Variants in NRG1 observed in about 807,000 individuals in gnomAD.
NRG1 encodes the protein pro-neuregulin-1, membrane-bound isoform.
NRG1 carries 18 observed loss-of-function variants against 63.8 expected under a neutral mutation model. The observed-to-expected ratio is 0.28, with a 90% CI of 0.19 to 0.42. The LOEUF (loss-of-function observed/expected upper bound fraction) is 0.42. Ranked by LOEUF, NRG1 falls within the 10% of genes least tolerant of loss-of-function variation. The probability of loss-of-function intolerance (pLI) is 1.00; values close to 1 mark genes in which losing one functional copy is unlikely to be tolerated. For synonymous variants in NRG1, 302 were observed against 301.3 expected, an observed-to-expected ratio of 1.00 and a Z score of -0.02; for missense variants, 762 against 814.7, an observed-to-expected ratio of 0.94 and a Z score of 0.79.
chr8:32,120,978 G>A (rs557936163), intron 1 of NRG1, among the ~76,000 whole-genome samples: 3 of 152,026 alleles, frequency 2.0e-5, no homozygotes, highest in Non-Finnish European at 2.9e-5. Context: ...CACCCACTTC[G>A]CCTGCTGAGA....
At chr8:31,730,956 G>T (rs1813980489) in intron 1 of NRG1, among the ~76,000 whole-genome samples, 1 of 152,108 alleles carries the variant, frequency 6.6e-6, no homozygotes, top group Non-Finnish European at 1.5e-5. Context: ...ATAGAAAAAT[G>T]AGTAAAGAAC....
intron 1 of NRG1, among the ~76,000 whole-genome samples, chr8:32,111,447 A>C (rs1195061636): frequency 6.6e-6 from 1 of 152,028 alleles, no homozygotes; most frequent in Non-Finnish European, 1.5e-5. Context: ...GCCACTCATG[A>C]TGATGATTGT....
intron 1 of NRG1, among the ~76,000 whole-genome samples, chr8:32,226,484 C>G (rs1330292165): frequency 6.6e-6 from 1 of 151,986 alleles, no homozygotes; most frequent in Non-Finnish European, 1.5e-5. Flanking sequence ...GGGTACATTG[C>G]TTTAGGAAAC....
intron 1 of NRG1, among the ~76,000 whole-genome samples, chr8:31,761,089 T>G (rs1441846833): frequency 1.3e-5 from 2 of 152,216 alleles, no homozygotes; most frequent in Non-Finnish European, 2.9e-5. Context: ...TAAGAAAATG[T>G]GGCAGATATA....
At chr8:32,124,601 ACTGACAC>A (rs1200996581) in intron 1 of NRG1, among the ~76,000 whole-genome samples, 1 of 151,822 alleles carries the variant, frequency 6.6e-6, no homozygotes, top group East Asian at 1.9e-4. Flanking sequence ...CCAGGACTCC[ACTGACAC>A]CCCCTTGTGC....
At chr8:32,169,924 AG>A (rs1461522814) in intron 1 of NRG1, among the ~76,000 whole-genome samples, 4 of 152,226 alleles carry the variant, frequency 2.6e-5, no homozygotes. Context: ...ACTCAAGTAA[AG>A]TAGGTCCTTA....
chr8:32,732,976 T>C (rs1282274554), intron 6 of NRG1, among the ~76,000 whole-genome samples: 2 of 151,912 alleles, frequency 1.3e-5, no homozygotes, highest in African/African-American at 4.8e-5. Flanking sequence ...CCCAGCTGAT[T>C]TTTTGTATTT....
upstream of NRG1, among the ~76,000 whole-genome samples, chr8:32,547,724 C>G (rs1340134001): frequency 6.6e-6 from 1 of 152,086 alleles, no homozygotes; most frequent in Non-Finnish European, 1.5e-5. Flanking sequence ...TCTTAAACTC[C>G]CTTCCACCTA....
chr8:31,846,011 CAG>C (rs1372801096), intron 1 of NRG1, among the ~76,000 whole-genome samples: 1 of 152,044 alleles, frequency 6.6e-6, no homozygotes, highest in Non-Finnish European at 1.5e-5. Flanking sequence ...ATATCCATGG[CAG>C]AGAGTTCCAA....
intron 1 of NRG1, among the ~76,000 whole-genome samples, chr8:31,674,915 C>T (rs927823113): frequency 6.6e-6 from 1 of 152,206 alleles, no homozygotes; most frequent in Admixed American, 6.5e-5. Flanking sequence ...CCTTTCCTTA[C>T]TCCATTTTCA....
At chr8:31,709,753 G>T (rs1811551439) in intron 1 of NRG1, among the ~76,000 whole-genome samples, 1 of 151,798 alleles carries the variant, frequency 6.6e-6, no homozygotes, top group Admixed American at 6.5e-5. Flanking sequence ...GAATAAAATA[G>T]TCTCTTTTGG....
chr8:32,281,208 C>A (rs1352636743), intron 1 of NRG1, among the ~76,000 whole-genome samples: 1 of 20,150 alleles, frequency 5.0e-5, no homozygotes, highest in Non-Finnish European at 8.7e-5. Flanking sequence ...GACAGAATCT[C>A]GCTCTGTCGC....
intron 5 of NRG1, among the ~76,000 whole-genome samples, chr8:32,659,328 A>G (rs1802290477): frequency 6.6e-6 from 1 of 151,674 alleles, no homozygotes; most frequent in South Asian, 2.1e-4. Context: ...TGTTGTTTTT[A>G]TTAGAGACAG....
chr8:31,758,234 G>A (rs749747369), intron 1 of NRG1, among the ~76,000 whole-genome samples: 1 of 151,884 alleles, frequency 6.6e-6, no homozygotes, highest in Non-Finnish European at 1.5e-5. Context: ...AAAAGGCCCC[G>A]GTGTGTGATG....
chr8:32,390,153 A>T (rs1395434614), intron 1 of NRG1, among the ~76,000 whole-genome samples: 4 of 152,004 alleles, frequency 2.6e-5, no homozygotes, highest in Non-Finnish European at 5.9e-5. Context: ...TACATCTTAA[A>T]AGACGCCATG....
intron 1 of NRG1, among the ~76,000 whole-genome samples, chr8:31,711,301 G>T (rs1474106284): frequency 6.6e-6 from 1 of 152,094 alleles, no homozygotes; most frequent in Admixed American, 6.5e-5. Flanking sequence ...AATCATTTTT[G>T]TAAGTAAAAG....
intron 1 of NRG1, among the ~76,000 whole-genome samples, chr8:31,896,432 T>G (rs940004899): frequency 6.6e-6 from 1 of 152,208 alleles, no homozygotes; most frequent in South Asian, 2.1e-4. Flanking sequence ...CATCCATGTT[T>G]CTCACCTCTA....
intron 1 of NRG1, among the ~76,000 whole-genome samples, chr8:31,974,031 G>A (rs188950374): frequency 1.2e-4 from 19 of 152,216 alleles, no homozygotes; most frequent in East Asian, 7.7e-4. Context: ...TCAAACTGTC[G>A]CTCTTTTGTC....
intron 5 of NRG1, among the ~76,000 whole-genome samples, chr8:32,685,148 T>A (rs1809758190): frequency 6.6e-6 from 1 of 152,184 alleles, no homozygotes; most frequent in Non-Finnish European, 1.5e-5. Context: ...TTTTGAGGAT[T>A]ATTCTACCTC....
Sources: gnomAD v4.1 joint callset for allele counts (sites outside exome capture counted in the v4.1 genomes callset) on GRCh38, gnomAD v4.1.1 for gene constraint, MANE v1.5 for transcripts, NCBI Gene and HGNC (gene_info 2026-07-23, HGNC 2026-07-21) for gene names.